The following CDC14A variants were observed in gnomAD, a reference collection of about 807,000 sequenced individuals.
The protein encoded by CDC14A is cell division cycle 14A.
A neutral mutation model predicts 74.4 loss-of-function variants in CDC14A; 53 were observed. The observed-to-expected ratio is 0.71, with a 90% CI of 0.57 to 0.89. The LOEUF (loss-of-function observed/expected upper bound fraction) is 0.89. Ranked by LOEUF, CDC14A falls within the 40% of genes least tolerant of loss-of-function variation. The probability of loss-of-function intolerance (pLI) is 0.00; values close to 1 mark genes in which losing one functional copy is unlikely to be tolerated. For missense variants in CDC14A, 646 were observed against 713.7 expected, an observed-to-expected ratio of 0.91 and a Z score of 1.08; for synonymous variants, 247 against 258.4, an observed-to-expected ratio of 0.96 and a Z score of 0.43.
intron 4 of CDC14A, among the ~76,000 whole-genome samples, chr1:100,392,405 C>G (rs534578531): frequency 6.6e-6 from 1 of 151,172 alleles, no homozygotes; most frequent in East Asian, 1.9e-4. Flanking sequence ...GATCCTTTCT[C>G]ATAAAGGATT....
chr1:100,395,685 A>G (rs1658370555), intron 4 of CDC14A, among the ~76,000 whole-genome samples: 1 of 152,186 alleles, frequency 6.6e-6, no homozygotes, highest in Non-Finnish European at 1.5e-5. Context: ...AGATCACGTC[A>G]TTACCCTGTT....
At chr1:100,393,049 A>T in intron 4 of CDC14A, 1 of 1,400,222 alleles carries the variant, frequency 7.1e-7, no homozygotes, top group Non-Finnish European at 1.0e-6. Context: ...GTCTTGCCGG[A>T]TGTTTTCTTT....
intron 11 of CDC14A, 61 bp from the exon 12 acceptor site, chr1:100,494,757 G>T: frequency 2.5e-6 from 2 of 804,534 alleles, no homozygotes; most frequent in African/African-American, 1.7e-5. Flanking sequence ...TATGTAGTCT[G>T]TTAAGAAACC....
rs1415838743 is a variant in CDC14A, at chr1:100,416,709, C to T, written c.310-7513C>T. On this transcript the variant is annotated intron_variant, in intron 4 of 15. Transcript: ENST00000336454. ...AAAACATTTTGGGACCAAAGTTTAT[C>T]TCCTTTTTGTTGTCCCTTGCTGTAG... 2.0e-5 allele frequency among the ~76,000 whole-genome samples: 3 copies of T among 152,130 alleles called. No homozygotes were observed. The East Asian group carries it at 5.8e-4, about 29-fold the overall frequency.
chr1:100,421,994 A>G (rs897423238), intron 4 of CDC14A, among the ~76,000 whole-genome samples: 2 of 152,172 alleles, frequency 1.3e-5, no homozygotes, highest in African/African-American at 4.8e-5. Context: ...TCAGGAGAAC[A>G]TTTCCCCACT....
At chr1:100,348,254 CCTGGGCAACAGAGCAAGA>C (rs1650602457), upstream of CDC14A, among the ~76,000 whole-genome samples, 1 of 148,336 alleles carries the variant, frequency 6.7e-6, no homozygotes, top group Non-Finnish European at 1.5e-5. Context: ...TGCACTCCAG[CCTGGGCAACAGAGCAAGA>C]CTCCATTTCA....
chr1:100,365,941 T>TACACACAC (rs34281009), intron 2 of CDC14A, among the ~76,000 whole-genome samples: 2,846 of 142,458 alleles, frequency 0.02, 36 homozygotes, highest in African/African-American at 0.031. Context: ...AACAAAATTT[T>TACACACAC]ACACACACAC....
intron 5 of CDC14A, among the ~76,000 whole-genome samples, chr1:100,436,677 C>T (rs1035216249): frequency 7.9e-5 from 12 of 152,154 alleles, no homozygotes; most frequent in South Asian, 4.1e-4. Flanking sequence ...CCACCTGCTT[C>T]GGCCTCCCAA....
intron 11 of CDC14A, among the ~76,000 whole-genome samples, chr1:100,487,031 G>C (rs1670088556): frequency 6.6e-6 from 1 of 152,170 alleles, no homozygotes; most frequent in South Asian, 2.1e-4. Flanking sequence ...TGAGAATGCT[G>C]TAAGAATTTA....
intron 5 of CDC14A, among the ~76,000 whole-genome samples, chr1:100,438,604 C>G (rs766422035): frequency 6.6e-6 from 1 of 152,124 alleles, no homozygotes; most frequent in Non-Finnish European, 1.5e-5. Context: ...TTTAAAAACA[C>G]AAAAACAAAG....
intron 12 of CDC14A, among the ~76,000 whole-genome samples, 178 bp downstream of exon 12, chr1:100,495,108 G>A (rs1022597329): frequency 1.3e-5 from 2 of 152,200 alleles, no homozygotes; most frequent in Non-Finnish European, 2.9e-5. Context: ...AAGTTTAGAA[G>A]TTTATTGAAA....
intron 8 of CDC14A, among the ~76,000 whole-genome samples, chr1:100,456,839 G>A (rs891026724): frequency 6.6e-6 from 1 of 152,152 alleles, no homozygotes; most frequent in Non-Finnish European, 1.5e-5. Flanking sequence ...CAGGTCTAGA[G>A]AGTTAAGCTC....
intron 4 of CDC14A, among the ~76,000 whole-genome samples, chr1:100,412,738 T>TATATATATATA (rs1491428571): frequency 1.0e-5 from 1 of 97,412 alleles, no homozygotes; most frequent in African/African-American, 6.8e-5. Flanking sequence ...TATATATATA[T>TATATATATATA]TTTATATATA....
intron 6 of CDC14A, among the ~76,000 whole-genome samples, chr1:100,442,309 G>A (rs1293486904): frequency 1.4e-5 from 2 of 145,202 alleles, no homozygotes; most frequent in Non-Finnish European, 3.0e-5. Context: ...ATTATGTATT[G>A]TATATATAAA....
chr1:100,414,352 C>T (rs1345807872), intron 4 of CDC14A, among the ~76,000 whole-genome samples: 2 of 152,124 alleles, frequency 1.3e-5, no homozygotes, highest in Non-Finnish European at 2.9e-5. Flanking sequence ...CGCATATTAT[C>T]TTTTACAGAT....
In CDC14A at chr1:100,491,566, A is replaced by T. The variant is rs1160533088; in HGVS notation, c.1138-3252A>T. 5.4e-4 allele frequency among the ~76,000 whole-genome samples: 44 copies of T among 80,788 alleles called. 1 individual carries two copies. Among genetic ancestry groups the T allele is most frequent in the African/African-American group, 2.4e-3 (41 of 17,098 alleles). The allele number at this position is 80,788 out of a possible 152,430, so 53.0% of individuals were successfully genotyped here. A position where few individuals can be genotyped will look rare whatever the true frequency, so the allele number is the denominator to read the frequency against. Reference sequence around the variant, plus strand: ...TCTCTCTCTATATATATATATATATATATATATTTTTTTTTTTTTTTTTTT... The same window carrying T: ...TCTCTCTCTATATATATATATATATTTATATATTTTTTTTTTTTTTTTTTT... On this transcript the variant is annotated intron_variant, in intron 11 of 15. Transcript: ENST00000336454.
At chr1:100,445,408 A>T (rs2101141015) in intron 7 of CDC14A, among the ~76,000 whole-genome samples, 1 of 152,276 alleles carries the variant, frequency 6.6e-6, no homozygotes, top group South Asian at 2.1e-4. Flanking sequence ...GGTGAGTTTC[A>T]GACCCCACCA....
chr1:100,400,232 G>C (rs1659084152), intron 4 of CDC14A, among the ~76,000 whole-genome samples: 1 of 152,084 alleles, frequency 6.6e-6, no homozygotes, highest in African/African-American at 2.4e-5. Context: ...TTTGGACCAA[G>C]TATATTATTT....
In CDC14A at chr1:100,499,033, C is replaced by T. The variant is rs780237064; in HGVS notation, c.1526C>T (p.Thr509Ile). ...KTSSSSKAGF[T>I]ASPFTNLLNG... ...TCCTCATCCTCTAAGGCAGGCTTCA[C>T]AGCCAGCCCGTTTACCAACCTCTTG... is the stretch of plus-strand genomic sequence containing the variant. Residue 509 changes from threonine to isoleucine, a missense_variant, in exon 15 of 16, where the codon ACA (threonine) becomes ATA (isoleucine). By Grantham distance (89) the Thr-to-Ile change is moderately conservative. Coordinates refer to ENST00000336454, the MANE Select transcript of CDC14A (RefSeq NM_003672.4). 6.8e-6 allele frequency: 11 copies of T among 1,614,192 alleles called. No homozygotes were observed. In the Admixed American group the frequency reaches 1.2e-4, roughly 17 times the overall value.
Sources: gnomAD v4.1 joint callset for allele counts (sites outside exome capture counted in the v4.1 genomes callset) on GRCh38, gnomAD v4.1.1 for gene constraint, MANE v1.5 for transcripts, NCBI Gene and HGNC (gene_info 2026-07-23, HGNC 2026-07-21) for gene names.